FAM118A: variants seen among roughly 807,000 people sequenced by gnomAD.
FAM118A encodes the protein protein FAM118A.
Under a neutral mutation model 38.2 loss-of-function variants are expected in FAM118A, and 25 were observed. That is an observed-to-expected ratio of 0.65 (90% CI 0.48 to 0.91). FAM118A has a LOEUF of 0.91. FAM118A is among the 40% of genes least tolerant of loss of function. The pLI, the probability that FAM118A is intolerant of heterozygous loss-of-function variation, is 0.00. For missense variants in FAM118A, 425 were observed against 463.3 expected (o/e 0.92, Z 0.76); for synonymous variants, 178 against 184.1 (o/e 0.97, Z 0.27).
intron 2 of FAM118A, among the ~76,000 whole-genome samples, 159 bp from the exon 3 acceptor site, chr22:45,323,016 C>T (rs537279532): frequency 4.7e-5 from 7 of 150,060 alleles, no homozygotes; most frequent in African/African-American, 9.8e-5. Context: ...ATACACAGGC[C>T]GTCTCCCCAC....
At chr22:45,335,715 T>C (rs2086036887) in intron 7 of FAM118A, among the ~76,000 whole-genome samples, 1 of 152,248 alleles carries the variant, frequency 6.6e-6, no homozygotes, top group Non-Finnish European at 1.5e-5. Context: ...TGCAGTGCCT[T>C]AGAATGACCC....
intron 1 of FAM118A, among the ~76,000 whole-genome samples, chr22:45,321,157 C>A (rs1221338675): frequency 6.6e-6 from 1 of 152,144 alleles, no homozygotes; most frequent in African/African-American, 2.4e-5. Flanking sequence ...TGCTCTGTTG[C>A]CTAGGCTGGA....
chr22:45,328,430 A>G, intron 4 of FAM118A: 1 of 1,012,508 alleles, frequency 9.9e-7, no homozygotes, highest in Non-Finnish European at 1.6e-6. Context: ...AGGTGTGGGG[A>G]GTTCTGTGCC....
chr22:45,326,028 A>G (rs1310189401), intron 3 of FAM118A, among the ~76,000 whole-genome samples: 2 of 152,116 alleles, frequency 1.3e-5, no homozygotes, highest in South Asian at 2.1e-4. Context: ...GTGGGAACCT[A>G]TGAGTCTTGG....
intron 3 of FAM118A, among the ~76,000 whole-genome samples, chr22:45,326,064 G>A (rs762412409): frequency 6.6e-5 from 10 of 151,992 alleles, no homozygotes; most frequent in Non-Finnish European, 1.2e-4. Flanking sequence ...CAAGCAACAC[G>A]AACAGGCACA....
chr22:45,340,433 A>C lies in FAM118A; in HGVS notation c.*28A>C. 6.2e-7 allele frequency: 1 copy of C among 1,613,742 alleles called. No individual in the cohort carries two copies. The highest frequency in any genetic ancestry group is 8.5e-7 in the Non-Finnish European group (1 of 1,179,612). On this transcript the variant is annotated 3_prime_UTR_variant, in exon 9 of 9. Transcript: ENST00000441876. Reference sequence around the variant, plus strand: ...TCTTTACAGTAAAACCTGCAACTTGAAAACTAGCCTTCTGTAACCACAGTG... The same window carrying C: ...TCTTTACAGTAAAACCTGCAACTTGCAAACTAGCCTTCTGTAACCACAGTG...
chr22:45,323,999 A>G (rs113333238), intron 3 of FAM118A, among the ~76,000 whole-genome samples: 5 of 152,344 alleles, frequency 3.3e-5, no homozygotes, highest in African/African-American at 9.6e-5. Context: ...GCGTGTGGCC[A>G]TAAAGGCTGG....
At chr22:45,322,956 G>A (rs952869389) in intron 2 of FAM118A, among the ~76,000 whole-genome samples, 4 of 152,036 alleles carry the variant, frequency 2.6e-5, no homozygotes, top group African/African-American at 9.7e-5. Context: ...GCTGTCCCAC[G>A]TCCTTTAAGG....
At position 45,323,359 on chromosome 22, in the gene FAM118A, C is replaced by T. The variant is rs201243350; in HGVS notation, c.232C>T (p.Arg78Trp). ...VLHPGDVAEFRRKVTKDRDLL... is the reference protein window; with the variant it reads ...VLHPGDVAEFWRKVTKDRDLL... ...GCACCCCGGAGACGTCGCCGAGTTC[C>T]GGAGGAAAGTGACAAAGGACCGGGA... The change falls in exon 3 of 9, where the codon CGG becomes TGG. Residue 78 changes from arginine (R) to tryptophan (W), a missense_variant. Transcript: ENST00000441876. 23 of 1,614,126 alleles carry T rather than the reference C, an allele frequency of 1.4e-5. No individual in the cohort carries two copies. The highest frequency in any genetic ancestry group is 8.3e-5 in the Admixed American group (5 of 60,012).
chr22:45,323,099 G>A lies in FAM118A; in HGVS notation c.48-76G>A, dbSNP rs561672063. Reference sequence around the variant, plus strand: ...TGTACACAGCACAAGGCCGGAACTCGCAGACAGTTCCAGACTTTGTGTTTG... The same window carrying A: ...TGTACACAGCACAAGGCCGGAACTCACAGACAGTTCCAGACTTTGTGTTTG... On this transcript the variant is annotated intron_variant, in intron 2 of 8. Coordinates refer to ENST00000441876, the MANE Select transcript of FAM118A (RefSeq NM_017911.4). 4.4e-3 allele frequency: 5,737 copies of A among 1,298,392 alleles called. 23 individuals carry two copies. Among genetic ancestry groups the A allele is most frequent in the Non-Finnish European group, 5.3e-3 (4,988 of 932,670 alleles). The allele number at this position is 1,298,392 out of a possible 1,614,324, so 80.4% of individuals were successfully genotyped here.
chr22:45,322,911 C>G (rs1400339547), intron 2 of FAM118A, among the ~76,000 whole-genome samples: 1 of 152,280 alleles, frequency 6.6e-6, no homozygotes, highest in Middle Eastern at 3.4e-3. Context: ...TTAAATTGAG[C>G]TTAACACTGG....
intron 1 of FAM118A, among the ~76,000 whole-genome samples, chr22:45,319,902 T>C (rs1439619727): frequency 6.6e-6 from 1 of 152,238 alleles, no homozygotes; most frequent in East Asian, 1.9e-4. Flanking sequence ...TTTCTTTGCC[T>C]GTGGACTGTG....
intron 3 of FAM118A, among the ~76,000 whole-genome samples, chr22:45,325,681 T>C (rs749392068): frequency 1.1e-4 from 16 of 152,086 alleles, no homozygotes; most frequent in Non-Finnish European, 1.8e-4. Context: ...GGGGGCTGTA[T>C]GTGTGGATGG....
rs748277829 is a variant in FAM118A at position 45,327,850 on chromosome 22, C to T, written c.309C>T (p.Gly103=). Residue 103 remains glycine, a synonymous_variant, in exon 4 of 9, where the codon GGC becomes GGT. Transcript: ENST00000441876. ...DLIRKMSPRT[G]DAKPSFFQDC... ...GTTCCACCTTTTTGTAGCGCACAGG[C>T]GATGCCAAGCCCAGCTTCTTCCAGG... The T allele has an allele frequency of 3.8e-5, 62 of 1,614,112 alleles. No homozygotes were observed. The East Asian group carries it at 1.1e-3, about 30-fold the overall frequency.
In FAM118A at chr22:45,332,503, C is replaced by T. The variant is rs189706370; in HGVS notation, c.730C>T (p.Gln244Ter). Residue 244 changes from glutamine to a stop codon, truncating the protein, a stop_gained, in exon 6 of 9, where the codon CAG becomes TAG. Coordinates refer to ENST00000441876, the MANE Select transcript of FAM118A (RefSeq NM_017911.4). LOFTEE classifies it high-confidence loss of function. ...CGETLRDQIF[Q>*]ALFLYSVPNK... ...GGAGACCCTTCGTGATCAGATATTC[C>T]AGGCCCTCTTTCTTTACTCCGTGCC... 6.2e-7 allele frequency: 1 copy of T among 1,614,198 alleles called. No individual in the cohort carries two copies. Among genetic ancestry groups the T allele is most frequent in the East Asian group, 2.2e-5 (1 of 44,880 alleles).
intron 3 of FAM118A, 48 bp from the exon 4 acceptor site, chr22:45,327,794 G>C: frequency 6.3e-7 from 1 of 1,592,350 alleles, no homozygotes; most frequent in Non-Finnish European, 8.6e-7. Context: ...GTGCTCAGTA[G>C]TTGTTAAGAG....
At chr22:45,309,867 C>G (rs542854863), upstream of FAM118A, 1 of 151,904 alleles carries the variant, frequency 6.6e-6, no homozygotes, top group African/African-American at 2.4e-5. Context: ...CCTCCGGGGA[C>G]CGCGGGGCCG....
chr22:45,337,503 TTTAGG>T (rs2086190998), intron 8 of FAM118A, among the ~76,000 whole-genome samples: 1 of 152,216 alleles, frequency 6.6e-6, no homozygotes, highest in Non-Finnish European at 1.5e-5. Flanking sequence ...TTGAGGAGTT[TTTAGG>T]TTCTTCTTTC....
intron 1 of FAM118A, among the ~76,000 whole-genome samples, chr22:45,312,459 G>C (rs1021200473): frequency 1.3e-5 from 2 of 152,158 alleles, no homozygotes; most frequent in African/African-American, 4.8e-5. Flanking sequence ...GATCATCTGA[G>C]GTCGGCAGTT....
Sources: gnomAD v4.1 joint callset for allele counts (sites outside exome capture counted in the v4.1 genomes callset) on GRCh38, gnomAD v4.1.1 for gene constraint, MANE v1.5 for transcripts, NCBI Gene and HGNC (gene_info 2026-07-23, HGNC 2026-07-21) for gene names.